MTAP: variants seen among roughly 807,000 people sequenced by gnomAD.
The protein encoded by MTAP is methylthioadenosine phosphorylase, also known as S-methyl-5'-thioadenosine phosphorylase.
A neutral mutation model predicts 33.6 loss-of-function variants in MTAP; 33 were observed. That is an observed-to-expected ratio of 0.98 (90% CI 0.74 to 1.31). The LOEUF (loss-of-function observed/expected upper bound fraction) is 1.31, where lower values mean the gene tolerates loss of function less well. Among genes scored for constraint, MTAP ranks in the 40% most tolerant of loss-of-function variants. MTAP has a pLI of 0.00. For synonymous variants in MTAP, 148 were observed against 125.7 expected (o/e 1.18, Z -1.19); for missense variants, 367 against 360.0 (o/e 1.02, Z -0.16).
At chr9:21,824,658 G>T (rs989329305) in intron 4 of MTAP, among the ~76,000 whole-genome samples, 9 of 152,198 alleles carry the variant, frequency 5.9e-5, no homozygotes, top group Non-Finnish European at 1.2e-4. Context: ...GTCTGCAGAG[G>T]TTTCTGCTGC....
chr9:21,935,286 C>G (rs559957990), downstream of MTAP: 16 of 152,190 alleles, frequency 1.1e-4, no homozygotes, highest in African/African-American at 3.6e-4. Flanking sequence ...AAAATTGTGT[C>G]AACTTCTTAA....
At chr9:21,817,968 G>C in intron 3 of MTAP, 67 bp from the exon 4 acceptor site, 1 of 1,437,598 alleles carries the variant, frequency 7.0e-7, no homozygotes, top group Non-Finnish European at 9.3e-7. Context: ...ATTTTTTCTA[G>C]ACTCTAGGAG....
chr9:21,815,136 TAC>T (rs1367679748), intron 1 of MTAP, among the ~76,000 whole-genome samples: 1 of 152,254 alleles, frequency 6.6e-6, no homozygotes, highest in Non-Finnish European at 1.5e-5. Flanking sequence ...TTGGTTAAAA[TAC>T]CTCTCTATGC....
intron 1 of MTAP, among the ~76,000 whole-genome samples, chr9:21,902,224 C>T (rs1293365331): frequency 1.3e-5 from 2 of 152,200 alleles, no homozygotes; most frequent in East Asian, 3.9e-4. Flanking sequence ...AAAACAGCTT[C>T]CTCCAGTTCC....
At chr9:21,810,162 G>A (rs1298853946) in intron 1 of MTAP, among the ~76,000 whole-genome samples, 2 of 152,204 alleles carry the variant, frequency 1.3e-5, no homozygotes, top group Admixed American at 6.5e-5. Context: ...CAGCGCTGGA[G>A]GTTAGAAGTC....
intron 4 of MTAP, among the ~76,000 whole-genome samples, chr9:21,823,032 G>C (rs528803948): frequency 6.6e-6 from 1 of 152,318 alleles, no homozygotes; most frequent in Middle Eastern, 3.4e-3. Context: ...CTCTGCACGT[G>C]AGTTGGGTCT....
At position 21,865,363 on chromosome 9, in the gene MTAP, G is replaced by C; in HGVS notation, c.*3349G>C. 1 of 864,442 alleles carries C rather than the reference G, an allele frequency of 1.2e-6. No individual in the cohort carries two copies. The highest frequency in any genetic ancestry group is 5.3e-5 in the South Asian group (1 of 18,868). 53.5% of individuals were successfully genotyped at this position (864,442 alleles called of 1,614,324 possible). On this transcript the variant is annotated 3_prime_UTR_variant, in exon 8 of 8. Coordinates refer to ENST00000644715, the MANE Select transcript of MTAP (RefSeq NM_002451.4). ...GGCCTTCCCAGCTATGTGGAACTGT[G>C]AGTTAATTAAACCTCTTTCCTTTAT... is the stretch of plus-strand genomic sequence containing the variant.
downstream of MTAP, chr9:21,931,883 C>T (rs1393289542): frequency 6.6e-6 from 1 of 152,164 alleles, no homozygotes; most frequent in African/African-American, 2.4e-5. Context: ...TTATTTCCTT[C>T]AAGATGGCAA....
chr9:21,862,301 T>C lies in MTAP; in HGVS notation c.*287T>C. ...ACCATTCTCTTCTCCCCCTATTAAA[T>C]TTGCAACAATAAAGGGTGGAGGGTA... On this transcript the variant is annotated 3_prime_UTR_variant, in exon 8 of 8. Coordinates refer to ENST00000644715, the MANE Select transcript of MTAP (RefSeq NM_002451.4). The C allele has an allele frequency of 2.0e-6, 1 of 496,616 alleles. No individual in the cohort carries two copies. The highest frequency in any genetic ancestry group is 2.9e-6 in the Non-Finnish European group (1 of 341,002). The allele number at this position is 496,616 out of a possible 1,614,324, so 30.8% of individuals were successfully genotyped here.
At chr9:21,932,139 G>T (rs974230387), downstream of MTAP, 1 of 152,116 alleles carries the variant, frequency 6.6e-6, no homozygotes, top group East Asian at 1.9e-4. Flanking sequence ...AACCACCTTT[G>T]CAAAAATTAT....
downstream of MTAP, among the ~76,000 whole-genome samples, chr9:21,868,091 T>C (rs78487695): frequency 7.0e-4 from 106 of 152,310 alleles, no homozygotes; most frequent in African/African-American, 2.4e-3. Context: ...AAGAAACTTA[T>C]TGATGGCTTC....
intron 1 of MTAP, among the ~76,000 whole-genome samples, chr9:21,876,389 A>G (rs1464565041): frequency 6.6e-6 from 1 of 152,000 alleles, no homozygotes; most frequent in Admixed American, 6.6e-5. Context: ...CACCCTTGTC[A>G]ATTTTTGCTT....
intron 1 of MTAP, among the ~76,000 whole-genome samples, chr9:21,921,548 A>G (rs543116542): frequency 6.6e-6 from 1 of 152,246 alleles, no homozygotes; most frequent in Admixed American, 6.5e-5. Flanking sequence ...TTTAACCTAG[A>G]CAAAACTGTT....
intron 5 of MTAP, among the ~76,000 whole-genome samples, chr9:21,847,693 A>G (rs563395813): frequency 6.6e-6 from 1 of 152,342 alleles, no homozygotes; most frequent in South Asian, 2.1e-4. Flanking sequence ...CAAAGTGATG[A>G]AAGAAAATAA....
At position 21,823,742 on chromosome 9, in the gene MTAP, G is replaced by A. The variant is rs201399773; in HGVS notation, c.347+5540G>A. 5.3e-5 allele frequency among the ~76,000 whole-genome samples: 8 copies of A among 152,154 alleles called. No homozygotes were observed. In the East Asian group the frequency reaches 9.6e-4, roughly 18 times the overall value. On this transcript the variant is annotated intron_variant, in intron 4 of 7. Coordinates refer to ENST00000644715, the MANE Select transcript of MTAP (RefSeq NM_002451.4). Reference sequence around the variant, plus strand: ...GGTTCCATTCTCTCTGTCACTTTCCGGTACACCAATCAGATGTAGATTTGG... The same window carrying A: ...GGTTCCATTCTCTCTGTCACTTTCCAGTACACCAATCAGATGTAGATTTGG...
intron 1 of MTAP, among the ~76,000 whole-genome samples, chr9:21,920,961 T>A (rs1038504882): frequency 6.6e-6 from 1 of 151,882 alleles, no homozygotes; most frequent in African/African-American, 2.4e-5. Context: ...ACTTCTCCCA[T>A]TTTTTTTGGA....
intron 1 of MTAP, among the ~76,000 whole-genome samples, chr9:21,813,101 A>G (rs1034169557): frequency 1.3e-5 from 2 of 152,214 alleles, no homozygotes; most frequent in African/African-American, 2.4e-5. Context: ...AGGAATGTGG[A>G]TAGAATTGGG....
chr9:21,862,235 G>T lies in MTAP; in HGVS notation c.*221G>T, dbSNP rs1050644886. The stretch of plus-strand genomic sequence containing the variant: ...AGAAAAGCAAATGACTAGTAAACAT[G>T]TGGGAAAAAATATTACATTTTAAGG... On this transcript the variant is annotated 3_prime_UTR_variant, in exon 8 of 8. Transcript: ENST00000644715. The T allele has an allele frequency of 8.5e-6, 10 of 1,169,656 alleles. No individual in the cohort carries two copies. The highest frequency in any genetic ancestry group is 1.6e-5 in the African/African-American group (1 of 62,638). The allele number at this position is 1,169,656 out of a possible 1,614,324, so 72.5% of individuals were successfully genotyped here. A position where few individuals can be genotyped will look rare whatever the true frequency, so the allele number is the denominator to read the frequency against.
At position 21,859,388 on chromosome 9, in the gene MTAP, G is replaced by A; in HGVS notation, c.776G>A (p.Gly259Glu). Reference sequence around the variant, plus strand: ...CTGCTCACTACCATACCTCAGATAGGGTCCACAGAATGGTCAGAAACCCTC... The same window carrying A: ...CTGCTCACTACCATACCTCAGATAGAGTCCACAGAATGGTCAGAAACCCTC... Reference protein sequence around the residue: ...SLLLTTIPQIGSTEWSETLHN... With the variant: ...SLLLTTIPQIESTEWSETLHN... Residue 259 changes from glycine (G) to glutamate (E), a missense_variant, in exon 7 of 8, where the codon GGG (glycine) becomes GAG (glutamate). By Grantham distance (98) the Gly-to-Glu change is moderately conservative. Coordinates refer to ENST00000644715, the MANE Select transcript of MTAP (RefSeq NM_002451.4). The A allele has an allele frequency of 6.2e-7, 1 of 1,613,076 alleles. No homozygotes were observed. Among genetic ancestry groups the A allele is most frequent in the Non-Finnish European group, 8.5e-7 (1 of 1,179,590 alleles).
Sources: allele counts gnomAD v4.1 joint callset (sites outside exome capture counted in the v4.1 genomes callset), GRCh38; gene constraint gnomAD v4.1.1; transcripts MANE v1.5; gene names NCBI Gene and HGNC (gene_info 2026-07-23, HGNC 2026-07-21).